The following CHSY3 variants were observed in gnomAD, a reference collection of about 807,000 sequenced individuals.
CHSY3 encodes chondroitin sulfate synthase 3, also known as N-acetylgalactosaminyl-proteoglycan 3-beta-glucuronosyltransferase 3.
Under a neutral mutation model 67.2 loss-of-function variants are expected in CHSY3, and 35 were observed. That is an observed-to-expected ratio of 0.52 (90% confidence interval 0.40 to 0.69). The LOEUF is 0.69. Ranked by LOEUF, CHSY3 falls within the 30% of genes least tolerant of loss-of-function variation. The pLI, the probability that CHSY3 is intolerant of heterozygous loss-of-function variation, is 0.00. For missense variants in CHSY3, 1,069 were observed against 1,138.5 expected (o/e 0.94, Z 0.88); for synonymous variants, 474 against 434.7 (o/e 1.09, Z -1.12).
chr5:129,935,607 G>A (rs1041218963), intron 2 of CHSY3, among the ~76,000 whole-genome samples: 1 of 152,172 alleles, frequency 6.6e-6, no homozygotes, highest in Non-Finnish European at 1.5e-5. Context: ...GAACAAAAAG[G>A]AAGAATAGAT....
intron 2 of CHSY3, among the ~76,000 whole-genome samples, chr5:130,165,718 C>G (rs1200164389): frequency 6.6e-6 from 1 of 151,682 alleles, no homozygotes; most frequent in Non-Finnish European, 1.5e-5. Context: ...AACACATATA[C>G]AGGTATATAT....
rs1768836624 is a variant in CHSY3, at chr5:130,140,728, G to C, written c.1087-43501G>C. On this transcript the variant is annotated intron_variant, in intron 2 of 2. Coordinates refer to ENST00000305031, the MANE Select transcript of CHSY3 (RefSeq NM_175856.5). ...GTTGAGAAGACTTTGATAACTGAAT[G>C]GTTAACCATTTTATTACTGAGTTCA... The C allele has an allele frequency of 1.1e-5, 3 of 272,286 alleles. No homozygotes were observed. In the South Asian group the frequency reaches 2.0e-4, roughly 18 times the overall value. The allele number at this position is 272,286 out of a possible 1,614,324, so 16.9% of individuals were successfully genotyped here. A position where few individuals can be genotyped will look rare whatever the true frequency, so the allele number is the denominator to read the frequency against.
intron 2 of CHSY3, among the ~76,000 whole-genome samples, chr5:130,005,286 G>A (rs1239876751): frequency 6.6e-6 from 1 of 151,934 alleles, no homozygotes; most frequent in Admixed American, 6.6e-5. Flanking sequence ...ATGGTGGCAT[G>A]AGCCTGTAGT....
At chr5:130,085,061 C>A (rs1766568635) in intron 2 of CHSY3, among the ~76,000 whole-genome samples, 1 of 151,864 alleles carries the variant, frequency 6.6e-6, no homozygotes, top group Admixed American at 6.6e-5. Flanking sequence ...GAGGCATATC[C>A]TACCTCCACT....
intron 2 of CHSY3, among the ~76,000 whole-genome samples, chr5:130,132,996 A>G (rs1363228346): frequency 6.6e-6 from 1 of 152,192 alleles, no homozygotes; most frequent in Non-Finnish European, 1.5e-5. Context: ...CAGTAGGCAT[A>G]ATTCATTCAG....
At chr5:130,175,452 A>C (rs1323696956) in intron 2 of CHSY3, among the ~76,000 whole-genome samples, 1 of 152,208 alleles carries the variant, frequency 6.6e-6, no homozygotes, top group Non-Finnish European at 1.5e-5. Context: ...TATAGATTCA[A>C]TGCTATCCCC....
intron 2 of CHSY3, among the ~76,000 whole-genome samples, chr5:130,179,004 T>G (rs1043030653): frequency 2.6e-5 from 4 of 152,214 alleles, no homozygotes; most frequent in Admixed American, 2.6e-4. Context: ...CTATTACCAC[T>G]TATCTGTGTG....
Position 130,001,754 on chromosome 5 carries a change from C to T in CHSY3, c.1086+93394C>T, listed in dbSNP as rs547647395. On this transcript the variant is annotated intron_variant, in intron 2 of 2. Coordinates refer to ENST00000305031, the MANE Select transcript of CHSY3 (RefSeq NM_175856.5). ...TCTCTATGCTCATAAAAATTGGCAT[C>T]CCTTATTCTGAACATGCCCTCGCTG... 1.1e-5 allele frequency: 9 copies of T among 838,362 alleles called. No individual in the cohort carries two copies. The East Asian group carries it at 3.7e-4, about 35-fold the overall frequency. 51.9% of individuals were successfully genotyped at this position (838,362 alleles called of 1,614,324 possible).
intron 2 of CHSY3, among the ~76,000 whole-genome samples, chr5:129,989,526 C>A (rs1763300232): frequency 6.6e-6 from 1 of 152,122 alleles, no homozygotes; most frequent in South Asian, 2.1e-4. Context: ...GGCCTTAACA[C>A]CTCCCATTAA....
chr5:129,943,744 T>A (rs933957048), intron 2 of CHSY3, among the ~76,000 whole-genome samples: 2 of 152,356 alleles, frequency 1.3e-5, no homozygotes, highest in South Asian at 4.1e-4. Flanking sequence ...AATTTGTGAA[T>A]AATTAAGTTT....
In CHSY3 at chr5:130,102,560, T is replaced by C. The variant is rs1487446453; in HGVS notation, c.1087-81669T>C. ...AGCAGTAACCACATTTGCCTTACGG[T>C]GTAGAGCAGCACAATGATTTCACTT... On this transcript the variant is annotated intron_variant, in intron 2 of 2. Coordinates refer to ENST00000305031, the MANE Select transcript of CHSY3 (RefSeq NM_175856.5). Among the ~76,000 whole-genome samples the C allele has an allele frequency of 2.6e-5, 4 of 152,052 alleles. No homozygotes were observed. The East Asian group carries it at 5.8e-4, about 22-fold the overall frequency.
At position 130,009,151 on chromosome 5, in the gene CHSY3, A is replaced by G. The variant is rs563789854; in HGVS notation, c.1086+100791A>G. ...CGTATACAAGATGACCATCCCCAAA[A>G]CACATCATCGTCGTATTCTTCAAGG... On this transcript the variant is annotated intron_variant, in intron 2 of 2. Coordinates refer to ENST00000305031, the MANE Select transcript of CHSY3 (RefSeq NM_175856.5). Among the ~76,000 whole-genome samples the G allele has an allele frequency of 2.0e-4, 30 of 152,282 alleles. No homozygotes were observed. In the South Asian group the frequency reaches 4.4e-3, roughly 22 times the overall value.
chr5:130,178,805 G>A (rs909083275), intron 2 of CHSY3, among the ~76,000 whole-genome samples: 1 of 152,160 alleles, frequency 6.6e-6, no homozygotes, highest in African/African-American at 2.4e-5. Flanking sequence ...TATTGAATTT[G>A]TTAACATTAC....
intron 2 of CHSY3, among the ~76,000 whole-genome samples, chr5:130,136,145 T>C (rs1768653071): frequency 6.6e-6 from 1 of 151,986 alleles, no homozygotes; most frequent in African/African-American, 2.4e-5. Flanking sequence ...TAAATAGGAG[T>C]CAGAGTGAGA....
At chr5:130,056,128 A>G (rs1765524390) in intron 2 of CHSY3, among the ~76,000 whole-genome samples, 1 of 152,068 alleles carries the variant, frequency 6.6e-6, no homozygotes, top group Non-Finnish European at 1.5e-5. Flanking sequence ...TTTCTTTCCT[A>G]TGTGCATCCT....
chr5:130,142,295 C>T (rs147614826), intron 2 of CHSY3, among the ~76,000 whole-genome samples: 13 of 152,262 alleles, frequency 8.5e-5, no homozygotes, highest in African/African-American at 3.1e-4. Flanking sequence ...TGTGCATATG[C>T]AGTGATTATG....
At chr5:130,096,273 A>G (rs1382971480) in intron 2 of CHSY3, among the ~76,000 whole-genome samples, 1 of 152,130 alleles carries the variant, frequency 6.6e-6, no homozygotes, top group Non-Finnish European at 1.5e-5. Flanking sequence ...CCCGGGTTCA[A>G]GCAGTTTTCT....
intron 2 of CHSY3, chr5:130,114,608 G>T (rs62393176): frequency 6.6e-6 from 1 of 152,120 alleles, no homozygotes; most frequent in Non-Finnish European, 1.5e-5. Context: ...TTAGAACAGC[G>T]TCTACTACAC....
At chr5:130,178,389 A>C (rs891336545) in intron 2 of CHSY3, among the ~76,000 whole-genome samples, 1 of 150,626 alleles carries the variant, frequency 6.6e-6, no homozygotes. Context: ...AGTAGCTGGA[A>C]CTACAGGCAC....
Sources: allele counts gnomAD v4.1 joint callset (sites outside exome capture counted in the v4.1 genomes callset), GRCh38; gene constraint gnomAD v4.1.1; transcripts MANE v1.5; gene names NCBI Gene and HGNC (gene_info 2026-07-23, HGNC 2026-07-21).